Variants in HAS2 observed in about 807,000 individuals in gnomAD.
HAS2 encodes the protein hyaluronan synthase 2.
In HAS2, 16 loss-of-function variants were observed where a neutral mutation model predicts 51.6. That is an observed-to-expected ratio of 0.31 (90% CI 0.21 to 0.47). The LOEUF is 0.47. HAS2 is among the 20% of genes least tolerant of loss of function. HAS2 has a pLI of 1.00. For synonymous variants in HAS2, 228 were observed against 235.5 expected, an observed-to-expected ratio of 0.97 and a Z score of 0.29; for missense variants, 361 against 662.6, an observed-to-expected ratio of 0.54 and a Z score of 5.00.
intron 2 of HAS2, among the ~76,000 whole-genome samples, chr8:121,621,340 C>T (rs1812770810): frequency 6.6e-6 from 1 of 152,052 alleles, no homozygotes; most frequent in Non-Finnish European, 1.5e-5. Context: ...GAGCAAGTAC[C>T]CATGAAATCA....
In HAS2 at chr8:121,614,294, C is replaced by T. The variant is rs774183299; in HGVS notation, c.1474G>A (p.Val492Met). Reference protein sequence around the residue: ...SVWFTILLGGVIFTIYKESKR... With the variant: ...SVWFTILLGGMIFTIYKESKR... ...GACTCCTTATAAATGGTGAAAATCA[C>T]ACCACCCAGGAGGATTGTAAACCAA... is the stretch of plus-strand genomic sequence containing the variant. Residue 492 changes from valine to methionine, a missense_variant, in exon 4 of 4, where the codon GTG becomes ATG. Physicochemically the swap from Val to Met is conservative, Grantham distance 21. Coordinates refer to ENST00000303924, the MANE Select transcript of HAS2 (RefSeq NM_005328.3). This position sits in a 1 kb window ranked among gnomAD's most constrained non-coding sequence, Gnocchi z 7.2. The T allele has an allele frequency of 7.4e-6, 12 of 1,614,040 alleles. No individual in the cohort carries two copies. In the East Asian group the frequency reaches 1.8e-4, roughly 24 times the overall value.
In HAS2 at chr8:121,629,054, G is replaced by A. The variant is rs1436825947; in HGVS notation, c.287C>T (p.Pro96Leu). ...TTGCAAACATTTCCTTAAGTAGTCT[G>A]GATCTTCTTGATAGGCAGCGATGCA... Reference protein sequence around the residue: ...ALCIAAYQEDPDYLRKCLQSV... With the variant: ...ALCIAAYQEDLDYLRKCLQSV... Residue 96 changes from proline to leucine, a missense_variant, in exon 2 of 4, where the codon CCA (proline) becomes CTA (leucine). Physicochemically the swap from Pro to Leu is moderately conservative, Grantham distance 98. Around this residue, in one of 5 missense-constraint regions of HAS2, gnomAD observed 145 missense variants for 217.6 expected, o/e 0.67. Transcript: ENST00000303924. The A allele has an allele frequency of 6.2e-7, 1 of 1,614,008 alleles. No homozygotes were observed. Among genetic ancestry groups the A allele is most frequent in the Admixed American group, 1.7e-5 (1 of 59,998 alleles).
At chr8:121,638,011 T>C (rs1219487950) in intron 1 of HAS2, among the ~76,000 whole-genome samples, 1 of 151,006 alleles carries the variant, frequency 6.6e-6, no homozygotes, top group Non-Finnish European at 1.5e-5. Flanking sequence ...TGAAAGTAAA[T>C]GTGTAATATA....
intron 1 of HAS2, among the ~76,000 whole-genome samples, chr8:121,636,556 A>G (rs746888907): frequency 2.6e-5 from 4 of 152,190 alleles, no homozygotes; most frequent in Admixed American, 6.5e-5. Context: ...GTCTGGGTTC[A>G]GAACTGTAGG....
At chr8:121,623,641 T>C (rs1812804637) in intron 2 of HAS2, among the ~76,000 whole-genome samples, 1 of 152,322 alleles carries the variant, frequency 6.6e-6, no homozygotes, top group Admixed American at 6.5e-5. Flanking sequence ...ACACCAATAC[T>C]GACTTAAGAA....
chr8:121,640,399 T>A (rs957388958), intron 1 of HAS2, among the ~76,000 whole-genome samples: 2 of 147,562 alleles, frequency 1.4e-5, no homozygotes, highest in African/African-American at 5.0e-5. Context: ...CGCGCTGGGC[T>A]ATTCCAGTTT....
At chr8:121,638,032 A>T (rs1813037010) in intron 1 of HAS2, among the ~76,000 whole-genome samples, 1 of 152,238 alleles carries the variant, frequency 6.6e-6, no homozygotes, top group Non-Finnish European at 1.5e-5. Flanking sequence ...GCTTTGAAAA[A>T]GGGTATGTCT....
chr8:121,614,568 C>T lies in HAS2; in HGVS notation c.1200G>A (p.Arg400=), dbSNP rs1475797813. Residue 400 remains arginine (R), a synonymous_variant, in exon 4 of 4, where the codon CGG becomes CGA. Coordinates refer to ENST00000303924, the MANE Select transcript of HAS2 (RefSeq NM_005328.3). This position sits in a 1 kb window ranked among gnomAD's most constrained non-coding sequence, Gnocchi z 7.2. ...AGAGGAGAATGTTCCAAATTTTACC[C>T]CGGTAGAAGAGCTGGATTACTGTGG... is the stretch of plus-strand genomic sequence containing the variant. The part of the protein sequence containing the change: ...LIATVIQLFY[R]GKIWNILLFL... 7 of 1,613,886 alleles carry T rather than the reference C, an allele frequency of 4.3e-6. No homozygotes were observed. The East Asian group carries it at 1.6e-4, about 36-fold the overall frequency.
Position 121,614,942 on chromosome 8 carries a change from A to AC in HAS2, c.825dup (p.Cys276ValfsTer6), listed in dbSNP as rs1812681014. ...AGAGGTCCACTAATGCACTGAACACACCCAAAATAAGACTGACAGGCCCTT... is the reference window on the plus strand; with the variant it reads ...AGAGGTCCACTAATGCACTGAACACACCCCAAAATAAGACTGACAGGCCCTT... On this transcript the variant is annotated frameshift_variant, in exon 4 of 4. Transcript: ENST00000303924. LOFTEE classifies it high-confidence loss of function. This position sits in a 1 kb window ranked among gnomAD's most constrained non-coding sequence, Gnocchi z 7.2. 6.2e-7 allele frequency: 1 copy of AC among 1,613,828 alleles called. No individual in the cohort carries two copies. Among genetic ancestry groups the AC allele is most frequent in the Non-Finnish European group, 8.5e-7 (1 of 1,179,794 alleles).
rs772040759 is a variant in HAS2, at chr8:121,614,474, C to T, written c.1294G>A (p.Val432Ile). Residue 432 changes from valine (V) to isoleucine (I), a missense_variant, in exon 4 of 4, where the codon GTC becomes ATC. Val to Ile is a conservative substitution (Grantham distance 29). Around this residue, in one of 5 missense-constraint regions of HAS2, gnomAD observed 106 missense variants for 241.0 expected, o/e 0.44. Coordinates refer to ENST00000303924, the MANE Select transcript of HAS2 (RefSeq NM_005328.3). The surrounding 1 kb of genome is among the most constrained non-coding windows in gnomAD (Gnocchi z 7.2). ...SFASCLRGNI[V>I]MVFMSLYSVL... ...GAGTAGAGAGACATGAAGACCATGA[C>T]GATATTTCCTCTAAGGCAGCTGGCA... 1 of 1,613,734 alleles carries T rather than the reference C, an allele frequency of 6.2e-7. No individual in the cohort carries two copies. The highest frequency in any genetic ancestry group is 8.5e-7 in the Non-Finnish European group (1 of 1,179,764).
intron 2 of HAS2, among the ~76,000 whole-genome samples, chr8:121,622,239 TAC>T (rs1158448555): frequency 6.6e-6 from 1 of 152,006 alleles, no homozygotes; most frequent in Non-Finnish European, 1.5e-5. Flanking sequence ...ACTTAGTAAA[TAC>T]AAGATGCTAC....
chr8:121,617,272 C>A (rs899850802), intron 2 of HAS2, 66 bp from the exon 3 acceptor site: 2 of 876,998 alleles, frequency 2.3e-6, no homozygotes, highest in African/African-American at 3.3e-5. Flanking sequence ...TCCCTGTAGT[C>A]AAAATTTCAC....
At chr8:121,625,493 T>C (rs1437235612) in intron 2 of HAS2, among the ~76,000 whole-genome samples, 1 of 151,570 alleles carries the variant, frequency 6.6e-6, no homozygotes, top group Non-Finnish European at 1.5e-5. Flanking sequence ...TTTGTCACTC[T>C]TAAAAAAAAT....
At chr8:121,629,362 C>T (rs1812898471) in intron 1 of HAS2, 22 bp from the exon 2 acceptor site, 9 of 1,578,176 alleles carry the variant, frequency 5.7e-6, no homozygotes, top group Non-Finnish European at 7.8e-6. Flanking sequence ...TCAGATGATA[C>T]TCTTGGTTAA....
chr8:121,634,622 A>G (rs1812983869), intron 1 of HAS2, among the ~76,000 whole-genome samples: 1 of 152,074 alleles, frequency 6.6e-6, no homozygotes, highest in African/African-American at 2.4e-5. Flanking sequence ...TAATAAATAA[A>G]TAAGCCCATT....
chr8:121,626,008 C>T (rs1288848666), intron 2 of HAS2, among the ~76,000 whole-genome samples: 2 of 152,058 alleles, frequency 1.3e-5, no homozygotes, highest in African/African-American at 2.4e-5. Context: ...AGAGAGCAGT[C>T]GGTAGAGAAG....
Position 121,614,117 on chromosome 8 carries a change from C to T in HAS2, c.1651G>A (p.Asp551Asn), listed in dbSNP as rs1586500931. Residue 551 changes from aspartate (D) to asparagine (N), a missense_variant, in exon 4 of 4, where the codon GAT becomes AAT. By Grantham distance (23) the Asp-to-Asn change is conservative. Coordinates refer to ENST00000303924, the MANE Select transcript of HAS2 (RefSeq NM_005328.3). The surrounding 1 kb of genome is among the most constrained non-coding windows in gnomAD (Gnocchi z 7.2). ...CGTCAAAACATGGAAGATCATACAT[C>T]AAGCACCATGTCATATTGTTGTCCC... ...KKGQQYDMVL[D>N]V The T allele has an allele frequency of 1.2e-6, 2 of 1,613,756 alleles. No individual in the cohort carries two copies. The highest frequency in any genetic ancestry group is 1.7e-6 in the Non-Finnish European group (2 of 1,179,796).
chr8:121,628,794 T>C lies in HAS2; in HGVS notation c.547A>G (p.Ile183Val). The C allele has an allele frequency of 6.2e-7, 1 of 1,614,168 alleles. No individual in the cohort carries two copies. Among genetic ancestry groups the C allele is most frequent in the Non-Finnish European group, 8.5e-7 (1 of 1,179,974 alleles). ...CTTTTTCCACCCCATTTTTGCATGA[T>C]GCAGATACTTTTGTTGGACAAGACC... Reference protein sequence around the residue: ...QLVLSNKSICIMQKWGGKREV... With the variant: ...QLVLSNKSICVMQKWGGKREV... Residue 183 changes from isoleucine to valine, a missense_variant, in exon 2 of 4, where the codon ATC (isoleucine) becomes GTC (valine). Around this residue, in one of 5 missense-constraint regions of HAS2, gnomAD observed 145 missense variants for 217.6 expected, o/e 0.67. Coordinates refer to ENST00000303924, the MANE Select transcript of HAS2 (RefSeq NM_005328.3).
intron 2 of HAS2, among the ~76,000 whole-genome samples, chr8:121,620,741 T>TC (rs1187292633): frequency 6.6e-6 from 1 of 151,438 alleles, no homozygotes; most frequent in Non-Finnish European, 1.5e-5. Flanking sequence ...TCCCTCCATT[T>TC]CCCCCCTATC....
Sources: gnomAD v4.1 joint callset for allele counts (sites outside exome capture counted in the v4.1 genomes callset) on GRCh38, gnomAD v4.1.1 for gene constraint, gnomAD v4.1.1 regional missense constraint, Gnocchi (gnomAD v3.1) non-coding constraint, MANE v1.5 for transcripts, NCBI Gene and HGNC (gene_info 2026-07-23, HGNC 2026-07-21) for gene names.